Variants in PDE4B observed in about 807,000 individuals in gnomAD.
PDE4B encodes phosphodiesterase 4B.
A neutral mutation model predicts 82.2 loss-of-function variants in PDE4B; 20 were observed. The observed-to-expected ratio is 0.24, with a 90% CI of 0.17 to 0.35. The LOEUF is 0.35. Ranked by LOEUF, PDE4B falls within the 10% of genes least tolerant of loss-of-function variation. PDE4B has a pLI of 1.00. For missense variants in PDE4B, 655 were observed against 907.2 expected (o/e 0.72, Z 3.57); for synonymous variants, 320 against 318.9 (o/e 1.00, Z -0.04).
At chr1:66,009,957 T>TATCTATCTATCTATC (rs1557494949) in intron 3 of PDE4B, among the ~76,000 whole-genome samples, 1 of 140,942 alleles carries the variant, frequency 7.1e-6, no homozygotes. Context: ...ATCTATCATC[T>TATCTATCTATCTATC]ATCTATCTAA....
At chr1:66,147,974 A>C (rs1646309639) in intron 3 of PDE4B, among the ~76,000 whole-genome samples, 1 of 152,198 alleles carries the variant, frequency 6.6e-6, no homozygotes, top group African/African-American at 2.4e-5. Context: ...GTATCATTAA[A>C]AGAATACATT....
chr1:65,914,470 C>CTTCT (rs1553120183), intron 2 of PDE4B, among the ~76,000 whole-genome samples: 22,915 of 144,804 alleles, frequency 0.16, 2,073 homozygotes, highest in Middle Eastern at 0.29. Flanking sequence ...TCTTCTTCTT[C>CTTCT]TTTTTTTTTT....
intron 7 of PDE4B, among the ~76,000 whole-genome samples, chr1:66,331,116 C>T (rs1660074030): frequency 6.6e-6 from 1 of 152,196 alleles, no homozygotes; most frequent in South Asian, 2.1e-4. Context: ...CTCTTTTCTG[C>T]TTCAAGTATT....
intron 3 of PDE4B, among the ~76,000 whole-genome samples, chr1:66,115,031 C>CA (rs993213383): frequency 4.6e-5 from 7 of 152,066 alleles, no homozygotes; most frequent in African/African-American, 1.7e-4. Flanking sequence ...TTCCAGGTAT[C>CA]AAAAAATTCT....
intron 9 of PDE4B, among the ~76,000 whole-genome samples, chr1:66,356,855 A>G (rs1273680671): frequency 6.6e-6 from 1 of 152,196 alleles, no homozygotes; most frequent in Admixed American, 6.6e-5. Flanking sequence ...CTCCAGCTGC[A>G]GTTGCAACGC....
intron 1 of PDE4B, among the ~76,000 whole-genome samples, chr1:65,890,791 C>T (rs1485493538): frequency 6.6e-6 from 1 of 151,942 alleles, no homozygotes; most frequent in African/African-American, 2.4e-5. Flanking sequence ...GTGAAGTCTG[C>T]AGTTCTATAT....
At chr1:66,090,561 T>C (rs1644991425) in intron 3 of PDE4B, among the ~76,000 whole-genome samples, 1 of 148,610 alleles carries the variant, frequency 6.7e-6, no homozygotes, top group Non-Finnish European at 1.5e-5. Context: ...GAGGAACAAA[T>C]AGTTACAAAC....
chr1:66,277,237 G>C (rs551656891), intron 7 of PDE4B, among the ~76,000 whole-genome samples: 1 of 152,256 alleles, frequency 6.6e-6, no homozygotes, highest in South Asian at 2.1e-4. Flanking sequence ...CGCAGCCACA[G>C]AGACTGAGAG....
At chr1:66,029,218 C>G (rs780824612) in intron 3 of PDE4B, among the ~76,000 whole-genome samples, 2 of 152,116 alleles carry the variant, frequency 1.3e-5, no homozygotes, top group South Asian at 2.1e-4. Context: ...AAGCAGAAAC[C>G]CTTAATAAAC....
At chr1:65,996,028 A>T (rs576036209) in intron 3 of PDE4B, among the ~76,000 whole-genome samples, 1 of 152,208 alleles carries the variant, frequency 6.6e-6, no homozygotes, top group Non-Finnish European at 1.5e-5. Flanking sequence ...AGATTTAAGA[A>T]ATATTTATGA....
chr1:65,987,119 T>G (rs902180118), intron 3 of PDE4B, among the ~76,000 whole-genome samples: 2 of 152,166 alleles, frequency 1.3e-5, no homozygotes, highest in Non-Finnish European at 2.9e-5. Flanking sequence ...TAGACTTTGC[T>G]TTTACTCTAG....
At chr1:66,051,502 G>T (rs913922769) in intron 3 of PDE4B, among the ~76,000 whole-genome samples, 17 of 152,102 alleles carry the variant, frequency 1.1e-4, no homozygotes, top group African/African-American at 4.1e-4. Flanking sequence ...GAAGAGAAAA[G>T]AGAAGATTTC....
At chr1:66,020,078 A>C (rs1653004193) in intron 3 of PDE4B, among the ~76,000 whole-genome samples, 1 of 152,186 alleles carries the variant, frequency 6.6e-6, no homozygotes, top group Non-Finnish European at 1.5e-5. Context: ...TATAGGCACA[A>C]TTTTTCTTTC....
At chr1:65,879,924 C>T in intron 1 of PDE4B, among the ~76,000 whole-genome samples, 1 of 152,138 alleles carries the variant, frequency 6.6e-6, no homozygotes, top group South Asian at 2.1e-4. Context: ...ATGTATCATT[C>T]CTTCATCATA....
At chr1:65,874,394 T>A (rs1468825530) in intron 1 of PDE4B, among the ~76,000 whole-genome samples, 1 of 152,212 alleles carries the variant, frequency 6.6e-6, no homozygotes, top group African/African-American at 2.4e-5. Context: ...CTTTTCCTAA[T>A]TGAATACCCT....
intron 7 of PDE4B, among the ~76,000 whole-genome samples, chr1:66,297,670 C>T (rs1657608242): frequency 6.6e-6 from 1 of 152,130 alleles, no homozygotes; most frequent in African/African-American, 2.4e-5. Flanking sequence ...TAACCCACTT[C>T]TATGATAATA....
chr1:66,035,141 A>G (rs527955150), intron 3 of PDE4B, among the ~76,000 whole-genome samples: 11 of 152,176 alleles, frequency 7.2e-5, no homozygotes, highest in Non-Finnish European at 1.5e-4. Context: ...CAATGGCAAA[A>G]ATAAAAAGGA....
intron 3 of PDE4B, among the ~76,000 whole-genome samples, chr1:66,106,713 A>G (rs1252574265): frequency 1.3e-5 from 2 of 151,912 alleles, no homozygotes; most frequent in Non-Finnish European, 2.9e-5. Context: ...TAGATTTTCT[A>G]GTTTATTTGC....
intron 8 of PDE4B, among the ~76,000 whole-genome samples, chr1:66,338,612 T>C (rs1466125927): frequency 1.3e-5 from 2 of 152,224 alleles, no homozygotes; most frequent in Non-Finnish European, 2.9e-5. Flanking sequence ...ATCTGTTTCT[T>C]AAAATTCTCC....
Sources: gnomAD v4.1 joint callset for allele counts (sites outside exome capture counted in the v4.1 genomes callset) on GRCh38, gnomAD v4.1.1 for gene constraint, MANE v1.5 for transcripts, NCBI Gene and HGNC (gene_info 2026-07-23, HGNC 2026-07-21) for gene names.